FHIP1A: variants seen among roughly 807,000 people sequenced by gnomAD.
The protein encoded by FHIP1A is FHF complex subunit HOOK interacting protein 1A.
Under a neutral mutation model 88.6 loss-of-function variants are expected in FHIP1A, and 61 were observed. The observed-to-expected ratio is 0.69, with a 90% CI of 0.56 to 0.85. FHIP1A has a LOEUF of 0.85. Ranked by LOEUF, FHIP1A falls within the 40% of genes least tolerant of loss-of-function variation. The pLI is 0.00. For synonymous variants in FHIP1A, 478 were observed against 496.0 expected (o/e 0.96, Z 0.48); for missense variants, 1,154 against 1,273.5 (o/e 0.91, Z 1.43).
intron 5 of FHIP1A, among the ~76,000 whole-genome samples, chr4:151,586,245 A>C (rs1226384040): frequency 6.6e-6 from 1 of 151,992 alleles, no homozygotes; most frequent in Non-Finnish European, 1.5e-5. Flanking sequence ...CTGTATTTGC[A>C]CTTGATGTAT....
At chr4:151,416,328 T>C (rs1227004550) in intron 1 of FHIP1A, among the ~76,000 whole-genome samples, 2 of 152,212 alleles carry the variant, frequency 1.3e-5, no homozygotes, top group African/African-American at 4.8e-5. Context: ...GAGGAGTGTG[T>C]CTTATTCCTC....
At chr4:151,516,998 C>A (rs1580657848) in intron 3 of FHIP1A, among the ~76,000 whole-genome samples, 1 of 152,166 alleles carries the variant, frequency 6.6e-6, no homozygotes, top group Non-Finnish European at 1.5e-5. Context: ...AAGACACATG[C>A]ACACGTATGT....
intron 3 of FHIP1A, among the ~76,000 whole-genome samples, chr4:151,485,282 G>GTTTTTTTT (rs74327398): frequency 0.057 from 6,699 of 118,034 alleles, 300 homozygotes; most frequent in African/African-American, 0.097. Context: ...ATCTTTTCCA[G>GTTTTTTTT]TTTTTTTTTT....
intron 3 of FHIP1A, among the ~76,000 whole-genome samples, chr4:151,497,725 A>G (rs189821834): frequency 2.6e-5 from 4 of 152,312 alleles, no homozygotes; most frequent in Admixed American, 2.6e-4. Context: ...AGCAACAAAG[A>G]ATTATCTGAG....
In FHIP1A at chr4:151,630,861, T is replaced by A. The variant is rs77399567; in HGVS notation, c.1146+992T>A. Among the ~76,000 whole-genome samples, 796 of 152,226 alleles carry A rather than the reference T, an allele frequency of 5.2e-3. 5 individuals are homozygous for A. Among genetic ancestry groups the A allele is most frequent in the African/African-American group, 0.019 (774 of 41,542 alleles). On this transcript the variant is annotated intron_variant, in intron 8 of 13. Transcript: ENST00000435205. ...TAAAAAATTATTGACAGAAAGAAAT[T>A]TGGGAAATTCACAAGTATATGGAAA...
intron 3 of FHIP1A, among the ~76,000 whole-genome samples, chr4:151,512,689 A>G (rs978861694): frequency 2.6e-5 from 4 of 152,222 alleles, no homozygotes; most frequent in African/African-American, 9.6e-5. Flanking sequence ...ATCAACTGGA[A>G]GAAAGGGTAT....
intron 2 of FHIP1A, among the ~76,000 whole-genome samples, chr4:151,465,785 A>G (rs765690067): frequency 1.3e-5 from 2 of 152,166 alleles, no homozygotes; most frequent in Non-Finnish European, 2.9e-5. Context: ...CATGATTATC[A>G]CAGTAGATGC....
intron 8 of FHIP1A, among the ~76,000 whole-genome samples, chr4:151,630,802 C>T (rs1736131036): frequency 6.6e-6 from 1 of 152,108 alleles, no homozygotes; most frequent in Non-Finnish European, 1.5e-5. Flanking sequence ...TGAAATCATG[C>T]AAAGCATGTT....
rs528302129 is a variant in FHIP1A, at chr4:151,656,290, T to G, written c.2610T>G (p.His870Gln). The G allele has an allele frequency of 6.9e-5, 107 of 1,551,692 alleles. No homozygotes were observed. In the African/African-American group the frequency reaches 1.1e-3, roughly 15 times the overall value. The change falls in exon 12 of 14, where the codon CAT becomes CAG. Residue 870 changes from histidine (H) to glutamine (Q), a missense_variant. Coordinates refer to ENST00000435205, the MANE Select transcript of FHIP1A (RefSeq NM_001109977.3). This position sits in a 1 kb window ranked among gnomAD's most constrained non-coding sequence, Gnocchi z 4.2. Reference protein sequence around the residue: ...KLENMLENSLHVNLLLIGIIT... With the variant: ...KLENMLENSLQVNLLLIGIIT... ...AGAACATGCTGGAGAACTCTTTACA[T>G]GTTAATTTGCTGCTTATCGGGATCA...
chr4:151,485,664 T>C (rs1313407920), intron 3 of FHIP1A, among the ~76,000 whole-genome samples: 1 of 151,418 alleles, frequency 6.6e-6, no homozygotes, highest in Non-Finnish European at 1.5e-5. Flanking sequence ...CATTCTTGGC[T>C]CACTGAAGCT....
intron 3 of FHIP1A, among the ~76,000 whole-genome samples, chr4:151,495,137 TG>T (rs1486359584): frequency 2.0e-5 from 3 of 152,180 alleles, no homozygotes; most frequent in African/African-American, 7.2e-5. Flanking sequence ...AGAGATAGTT[TG>T]ACTTCCTCTC....
At chr4:151,417,445 A>C (rs1732938529) in intron 1 of FHIP1A, among the ~76,000 whole-genome samples, 1 of 152,174 alleles carries the variant, frequency 6.6e-6, no homozygotes, top group Admixed American at 6.5e-5. Flanking sequence ...GAAGTTACAA[A>C]ATTATATTTC....
intron 3 of FHIP1A, among the ~76,000 whole-genome samples, chr4:151,513,009 C>T (rs1731095039): frequency 6.6e-6 from 1 of 152,030 alleles, no homozygotes; most frequent in Non-Finnish European, 1.5e-5. Context: ...GTCAGATTCA[C>T]CAAAGTTGAA....
At chr4:151,652,580 A>T (rs940545751) in intron 11 of FHIP1A, among the ~76,000 whole-genome samples, 1 of 152,214 alleles carries the variant, frequency 6.6e-6, no homozygotes, top group Admixed American at 6.5e-5. Flanking sequence ...GAATTCACAG[A>T]CTTTTAGAGG....
chr4:151,598,454 G>A (rs1734736509), intron 7 of FHIP1A, among the ~76,000 whole-genome samples: 1 of 152,138 alleles, frequency 6.6e-6, no homozygotes, highest in East Asian at 1.9e-4. Context: ...GCTGGGTGCT[G>A]CAGACTGGAG....
chr4:151,443,685 C>CTGTG (rs57147339), intron 1 of FHIP1A, among the ~76,000 whole-genome samples: 2,091 of 122,146 alleles, frequency 0.017, 25 homozygotes, highest in African/African-American at 0.024. Flanking sequence ...ATGAAGCACT[C>CTGTG]TGTGTGTGTG....
At chr4:151,566,077 T>A in intron 3 of FHIP1A, 61 bp from the exon 4 acceptor site, 1 of 441,914 alleles carries the variant, frequency 2.3e-6, no homozygotes, top group Admixed American at 4.1e-5. Flanking sequence ...AATTTAATAG[T>A]CAGTTTCCTA....
rs1426623034 is a variant in FHIP1A, at chr4:151,646,720, C to G, written c.1389C>G (p.Leu463=). ...TLGNQERDYI[L]WSKCMHDTSG... The stretch of plus-strand genomic sequence containing the variant: ...GGAACCAAGAGAGGGATTATATTCT[C>G]TGGTCAAAGTGTATGCATGACACTT... The change falls in exon 10 of 14, where the codon CTC becomes CTG. Residue 463 remains leucine, a synonymous_variant. Coordinates refer to ENST00000435205, the MANE Select transcript of FHIP1A (RefSeq NM_001109977.3). The G allele has an allele frequency of 6.4e-7, 1 of 1,551,156 alleles. No individual in the cohort carries two copies. Among genetic ancestry groups the G allele is most frequent in the African/African-American group, 1.4e-5 (1 of 73,150 alleles).
At position 151,437,249 on chromosome 4, in the gene FHIP1A, A is replaced by G. The variant is rs146757538; in HGVS notation, c.-355-17452A>G. Reference sequence around the variant, plus strand: ...GTGATCATGTTAAGGAGAAAGATATATGTATATAGTATGCCAGTGAAGCTT... The same window carrying G: ...GTGATCATGTTAAGGAGAAAGATATGTGTATATAGTATGCCAGTGAAGCTT... On this transcript the variant is annotated intron_variant, in intron 1 of 13. Coordinates refer to ENST00000435205, the MANE Select transcript of FHIP1A (RefSeq NM_001109977.3). Among the ~76,000 whole-genome samples, 562 of 152,206 alleles carry G rather than the reference A, an allele frequency of 3.7e-3. 2 individuals carry two copies. The highest frequency in any genetic ancestry group is 0.013 in the African/African-American group (522 of 41,556).
Sources: allele counts gnomAD v4.1 joint callset (sites outside exome capture counted in the v4.1 genomes callset), GRCh38; gene constraint gnomAD v4.1.1; non-coding constraint Gnocchi (gnomAD v3.1); transcripts MANE v1.5; gene names NCBI Gene and HGNC (gene_info 2026-07-23, HGNC 2026-07-21).